The following KIF5C variants were observed in gnomAD, a reference collection of about 807,000 sequenced individuals.
KIF5C encodes kinesin family member 5C, also known as kinesin heavy chain isoform 5C.
A neutral mutation model predicts 125.2 loss-of-function variants in KIF5C; 18 were observed. The observed-to-expected ratio is 0.14, with a 90% CI of 0.10 to 0.21. The LOEUF is 0.21. Among genes scored for constraint, KIF5C ranks in the 10% least tolerant of loss-of-function variants. The pLI is 1.00. For synonymous variants in KIF5C, 405 were observed against 434.0 expected (o/e 0.93, Z 0.83); for missense variants, 780 against 1,183.8 (o/e 0.66, Z 5.01).
chr2:148,948,190 TAAA>T (rs374887511), intron 8 of KIF5C, among the ~76,000 whole-genome samples: 3 of 136,274 alleles, frequency 2.2e-5, no homozygotes, highest in Non-Finnish European at 4.8e-5. Flanking sequence ...AACTAAAAAT[TAAA>T]AAAAAAAAAA....
chr2:148,980,287 A>T (rs190525405), intron 13 of KIF5C, among the ~76,000 whole-genome samples: 2 of 151,708 alleles, frequency 1.3e-5, no homozygotes, highest in East Asian at 3.9e-4. Flanking sequence ...CCTGCCCTCT[A>T]CCTCCCATTC....
chr2:148,881,922 T>C lies in KIF5C; in HGVS notation c.126+6179T>C, dbSNP rs543710064. 1.2e-3 allele frequency among the ~76,000 whole-genome samples: 190 copies of C among 152,158 alleles called. 1 individual carries two copies. The highest frequency in any genetic ancestry group is 2.1e-3 in the Non-Finnish European group (146 of 68,020). Reference sequence around the variant, plus strand: ...TTGCCTACTCCCTAATGGTTTCTCTTGAGTTCAAAAAAATAAAGCCCCTTG... The same window carrying C: ...TTGCCTACTCCCTAATGGTTTCTCTCGAGTTCAAAAAAATAAAGCCCCTTG... On this transcript the variant is annotated intron_variant, in intron 1 of 25. Coordinates refer to ENST00000435030, the MANE Select transcript of KIF5C (RefSeq NM_004522.3).
intron 23 of KIF5C, among the ~76,000 whole-genome samples, chr2:149,009,384 A>T (rs1326896265): frequency 6.6e-6 from 1 of 152,220 alleles, no homozygotes; most frequent in Non-Finnish European, 1.5e-5. Context: ...ACAAAGCAGG[A>T]GACCCAGCAG....
intron 1 of KIF5C, among the ~76,000 whole-genome samples, chr2:148,905,058 C>T (rs138430334): frequency 7.2e-4 from 110 of 152,244 alleles, no homozygotes; most frequent in African/African-American, 2.4e-3. Flanking sequence ...AGCTAGAGCT[C>T]ATTAGTATTG....
At chr2:148,956,801 T>C (rs746262544) in intron 10 of KIF5C, among the ~76,000 whole-genome samples, 1 of 152,228 alleles carries the variant, frequency 6.6e-6, no homozygotes, top group Non-Finnish European at 1.5e-5. Flanking sequence ...GATATCTGTA[T>C]ATACATTGAG....
At chr2:148,942,136 TA>T (rs1682424129) in intron 6 of KIF5C, 146 bp downstream of exon 6, 1 of 890,480 alleles carries the variant, frequency 1.1e-6, no homozygotes, top group African/African-American at 1.8e-5. Context: ...CATCTGGTTT[TA>T]AAAATTGACA....
chr2:148,956,017 C>T (rs1199741593), intron 10 of KIF5C, among the ~76,000 whole-genome samples: 1 of 152,244 alleles, frequency 6.6e-6, no homozygotes, highest in Non-Finnish European at 1.5e-5. Flanking sequence ...CTCCTCGTGT[C>T]ATTTAGAACT....
chr2:148,961,600 A>G (rs982526422), intron 10 of KIF5C, among the ~76,000 whole-genome samples: 1 of 152,192 alleles, frequency 6.6e-6, no homozygotes, highest in Non-Finnish European at 1.5e-5. Flanking sequence ...AAATCTGGTG[A>G]TGGTATGCAG....
At chr2:148,934,085 A>C (rs1301874533) in intron 3 of KIF5C, among the ~76,000 whole-genome samples, 1 of 143,062 alleles carries the variant, frequency 7.0e-6, no homozygotes, top group Admixed American at 6.7e-5. Context: ...ACACACAGAC[A>C]TATATATCAC....
intron 22 of KIF5C, among the ~76,000 whole-genome samples, chr2:149,007,380 G>A (rs532334261): frequency 6.6e-6 from 1 of 152,228 alleles, no homozygotes; most frequent in East Asian, 1.9e-4. Flanking sequence ...GCAGTGTTTT[G>A]CCAATTTCAA....
intron 14 of KIF5C, among the ~76,000 whole-genome samples, chr2:148,982,398 C>T (rs772775409): frequency 9.2e-5 from 14 of 152,228 alleles, no homozygotes; most frequent in Non-Finnish European, 1.8e-4. Context: ...CTATCCTTAG[C>T]ACCTCTGCCC....
intron 25 of KIF5C, among the ~76,000 whole-genome samples, chr2:149,022,508 G>A (rs1203674716): frequency 1.3e-5 from 2 of 151,986 alleles, no homozygotes; most frequent in Admixed American, 1.3e-4. Flanking sequence ...TAATGTAAAC[G>A]ATCTCAACAT....
At chr2:148,957,911 C>T (rs1223549355) in intron 10 of KIF5C, among the ~76,000 whole-genome samples, 1 of 152,074 alleles carries the variant, frequency 6.6e-6, no homozygotes, top group Non-Finnish European at 1.5e-5. Flanking sequence ...CTTCCATCAA[C>T]ATAGATTGTT....
chr2:148,950,715 A>G (rs1271366124), intron 10 of KIF5C, among the ~76,000 whole-genome samples: 1 of 152,090 alleles, frequency 6.6e-6, no homozygotes, highest in Non-Finnish European at 1.5e-5. Context: ...AGGCTGAGTC[A>G]GGAGAATTGC....
intron 1 of KIF5C, among the ~76,000 whole-genome samples, chr2:148,882,040 G>A (rs1681377895): frequency 6.6e-6 from 1 of 152,022 alleles, no homozygotes; most frequent in Non-Finnish European, 1.5e-5. Flanking sequence ...CCCATTTGCT[G>A]CACGTCAACC....
rs117199913 is a variant in KIF5C at position 149,008,729 on chromosome 2, T to C, written c.2550+662T>C. On this transcript the variant is annotated intron_variant, in intron 23 of 25. Transcript: ENST00000435030. The stretch of plus-strand genomic sequence containing the variant: ...CATGGCTGTTTTCCCTCTTTAGGAA[T>C]TGGGATATGATGGAAACGGCCCAAG... Among the ~76,000 whole-genome samples, 72 of 152,264 alleles carry C rather than the reference T, an allele frequency of 4.7e-4. No individual in the cohort carries two copies. The East Asian group carries it at 0.012, about 25-fold the overall frequency.
At chr2:148,920,448 A>G (rs1175479487) in intron 1 of KIF5C, among the ~76,000 whole-genome samples, 1 of 152,242 alleles carries the variant, frequency 6.6e-6, no homozygotes, top group Non-Finnish European at 1.5e-5. Context: ...TTGGTTATTC[A>G]ACCAAATCCT....
intron 2 of KIF5C, among the ~76,000 whole-genome samples, chr2:148,925,676 C>T (rs946444325): frequency 5.9e-5 from 9 of 152,274 alleles, no homozygotes; most frequent in African/African-American, 2.2e-4. Flanking sequence ...ACACAGCTAG[C>T]ATTTGATGAC....
At chr2:148,945,860 T>C (rs1458785637) in intron 7 of KIF5C, among the ~76,000 whole-genome samples, 1 of 152,214 alleles carries the variant, frequency 6.6e-6, no homozygotes, top group Non-Finnish European at 1.5e-5. Flanking sequence ...CTATAAAATA[T>C]GTCATTGAAA....
Sources: gnomAD v4.1 joint callset for allele counts (sites outside exome capture counted in the v4.1 genomes callset) on GRCh38, gnomAD v4.1.1 for gene constraint, MANE v1.5 for transcripts, NCBI Gene and HGNC (gene_info 2026-07-23, HGNC 2026-07-21) for gene names.